The following RALGAPA1 variants were observed in gnomAD, a reference collection of about 807,000 sequenced individuals.
RALGAPA1 encodes Ral GTPase activating protein catalytic subunit alpha 1.
Under a neutral mutation model 269.6 loss-of-function variants are expected in RALGAPA1, and 52 were observed. The observed-to-expected ratio is 0.19, with a 90% CI of 0.15 to 0.24. The LOEUF (loss-of-function observed/expected upper bound fraction) is 0.24. Ranked by LOEUF, RALGAPA1 falls within the 10% of genes least tolerant of loss-of-function variation. The pLI is 1.00. For missense variants in RALGAPA1, 1,917 were observed against 3,013.9 expected (o/e 0.64, Z 8.52); for synonymous variants, 817 against 1,008.3 (o/e 0.81, Z 3.60).
chr14:35,785,803 T>C (rs1432109105), intron 1 of RALGAPA1, among the ~76,000 whole-genome samples: 1 of 152,208 alleles, frequency 6.6e-6, no homozygotes, highest in Non-Finnish European at 1.5e-5. Context: ...ATAATTAAGC[T>C]GTTGCAGAAC....
intron 33 of RALGAPA1, among the ~76,000 whole-genome samples, chr14:35,632,191 A>G (rs1435800266): frequency 9.9e-5 from 15 of 152,186 alleles, no homozygotes; most frequent in Admixed American, 9.8e-4. Context: ...TTTGAGCTAT[A>G]AACTATAGAA....
intron 1 of RALGAPA1, among the ~76,000 whole-genome samples, chr14:35,796,072 A>G (rs1831611183): frequency 6.6e-6 from 1 of 152,224 alleles, no homozygotes; most frequent in East Asian, 1.9e-4. Flanking sequence ...AACCCAGGAT[A>G]AGAAAAGAGG....
At chr14:35,789,913 C>G (rs2076038398) in intron 1 of RALGAPA1, among the ~76,000 whole-genome samples, 2 of 152,130 alleles carry the variant, frequency 1.3e-5, no homozygotes. Flanking sequence ...GAAGTAGTCA[C>G]CACGAGCAAA....
chr14:35,545,891 A>G (rs1342706421), intron 41 of RALGAPA1, among the ~76,000 whole-genome samples: 1 of 152,162 alleles, frequency 6.6e-6, no homozygotes, highest in Non-Finnish European at 1.5e-5. Context: ...AAAGTTTATA[A>G]TTAAAGGAGA....
At chr14:35,620,376 T>C (rs1048495264) in intron 35 of RALGAPA1, among the ~76,000 whole-genome samples, 3 of 152,246 alleles carry the variant, frequency 2.0e-5, no homozygotes, top group South Asian at 2.1e-4. Flanking sequence ...TAACTAGAGC[T>C]ATTTTATGAC....
At chr14:35,745,180 C>T (rs1230318976) in intron 10 of RALGAPA1, among the ~76,000 whole-genome samples, 1 of 151,404 alleles carries the variant, frequency 6.6e-6, no homozygotes, top group African/African-American at 2.5e-5. Flanking sequence ...ACAATGAGAA[C>T]TAACTGTCAA....
At chr14:35,705,754 T>C (rs762854113) in intron 16 of RALGAPA1, among the ~76,000 whole-genome samples, 5 of 152,218 alleles carry the variant, frequency 3.3e-5, no homozygotes, top group Admixed American at 2.6e-4. Context: ...AGTGTGATGA[T>C]ATAATCTTGT....
chr14:35,792,549 A>C (rs1365997535), intron 1 of RALGAPA1, among the ~76,000 whole-genome samples: 1 of 151,860 alleles, frequency 6.6e-6, no homozygotes, highest in African/African-American at 2.4e-5. Context: ...TTGGGAGGCC[A>C]GGGCGGGTGG....
At chr14:35,781,057 A>C (rs146989812) in intron 1 of RALGAPA1, among the ~76,000 whole-genome samples, 21 of 152,318 alleles carry the variant, frequency 1.4e-4, no homozygotes, top group African/African-American at 5.1e-4. Flanking sequence ...CCCCAAAAAA[A>C]ATCATTAAAC....
chr14:35,600,147 T>G (rs11845829), intron 36 of RALGAPA1, among the ~76,000 whole-genome samples: 5,364 of 151,260 alleles, frequency 0.035, 319 homozygotes, highest in African/African-American at 0.12. Flanking sequence ...TTTTTTTTTT[T>G]TTGTTAATGT....
chr14:35,708,049 C>A (rs377138715), intron 16 of RALGAPA1, among the ~76,000 whole-genome samples: 17 of 152,206 alleles, frequency 1.1e-4, no homozygotes, highest in African/African-American at 3.9e-4. Context: ...GCTGGGATAA[C>A]TGGATACCCA....
At chr14:35,708,666 C>G (rs974578688) in intron 16 of RALGAPA1, among the ~76,000 whole-genome samples, 1 of 152,138 alleles carries the variant, frequency 6.6e-6, no homozygotes, top group Non-Finnish European at 1.5e-5. Flanking sequence ...TAAGTTAGTA[C>G]AACCACTATG....
At chr14:35,665,858 C>T (rs928120171) in intron 26 of RALGAPA1, among the ~76,000 whole-genome samples, 4 of 151,958 alleles carry the variant, frequency 2.6e-5, no homozygotes, top group African/African-American at 9.7e-5. Flanking sequence ...TGGGAGCAGA[C>T]CTGGAATGTG....
intron 34 of RALGAPA1, among the ~76,000 whole-genome samples, chr14:35,626,218 C>G (rs998913213): frequency 1.3e-5 from 2 of 152,116 alleles, no homozygotes; most frequent in African/African-American, 4.8e-5. Context: ...AGAGGATATT[C>G]CCTTCTAATA....
rs564553218 is a variant in RALGAPA1 at position 35,668,969 on chromosome 14, T to G, written c.5202+2420A>C. On this transcript the variant is annotated intron_variant, in intron 26 of 41. Coordinates refer to ENST00000680220, the MANE Select transcript of RALGAPA1 (RefSeq NM_001346249.2). ...TTAACTAGCTCCTAAACAAAATGGA[T>G]TATTTGTCATTCCTTGAACACATCT... 1.3e-3 allele frequency among the ~76,000 whole-genome samples: 200 copies of G among 152,178 alleles called. 3 individuals carry two copies. The highest frequency in any genetic ancestry group is 1.7e-3 in the Non-Finnish European group (117 of 68,042).
At chr14:35,717,083 T>A (rs1035684412) in intron 16 of RALGAPA1, among the ~76,000 whole-genome samples, 14 of 152,328 alleles carry the variant, frequency 9.2e-5, no homozygotes, top group African/African-American at 3.4e-4. Flanking sequence ...TAATTTCATA[T>A]CCTACAGACT....
intron 17 of RALGAPA1, 100 bp from the exon 18 acceptor site, chr14:35,690,103 CTG>C: frequency 1.1e-6 from 1 of 910,378 alleles, no homozygotes; most frequent in East Asian, 3.2e-5. Context: ...TAAAAAAAAT[CTG>C]AGTTTTTGTA....
intron 17 of RALGAPA1, among the ~76,000 whole-genome samples, chr14:35,692,579 A>C (rs1399857998): frequency 6.6e-6 from 1 of 151,732 alleles, no homozygotes; most frequent in Admixed American, 6.6e-5. Context: ...TTTAAAAAAA[A>C]AAAATGTAAC....
At chr14:35,803,037 A>G (rs1314875404) in intron 1 of RALGAPA1, among the ~76,000 whole-genome samples, 1 of 152,078 alleles carries the variant, frequency 6.6e-6, no homozygotes, top group Non-Finnish European at 1.5e-5. Context: ...GGCATTTGGG[A>G]AAAAAAGAAA....
Sources: gnomAD v4.1 joint callset for allele counts (sites outside exome capture counted in the v4.1 genomes callset) on GRCh38, gnomAD v4.1.1 for gene constraint, MANE v1.5 for transcripts, NCBI Gene and HGNC (gene_info 2026-07-23, HGNC 2026-07-21) for gene names.